Variants in GPM6A observed in about 807,000 individuals in gnomAD.
The protein encoded by GPM6A is glycoprotein M6A.
A neutral mutation model predicts 32.1 loss-of-function variants in GPM6A; 7 were observed. The ratio of observed to expected loss-of-function variants is 0.22; its 90% CI spans 0.12 to 0.41. The LOEUF is 0.41. Among genes scored for constraint, GPM6A ranks in the 10% least tolerant of loss-of-function variants. The pLI, the probability that GPM6A is intolerant of heterozygous loss-of-function variation, is 1.00. For synonymous variants in GPM6A, 130 were observed against 123.4 expected, an observed-to-expected ratio of 1.05 and a Z score of -0.35; for missense variants, 235 against 347.2, an observed-to-expected ratio of 0.68 and a Z score of 2.57.
intron 1 of GPM6A, among the ~76,000 whole-genome samples, chr4:175,776,768 G>A (rs1217637167): frequency 3.3e-5 from 5 of 152,182 alleles, no homozygotes; most frequent in African/African-American, 7.2e-5. Flanking sequence ...GAAACACCCT[G>A]TTACACTTTA....
At chr4:175,945,059 T>G (rs1200027229) in intron 1 of GPM6A, among the ~76,000 whole-genome samples, 1 of 152,144 alleles carries the variant, frequency 6.6e-6, no homozygotes, top group Non-Finnish European at 1.5e-5. Context: ...GTAAGCCTTT[T>G]GAGAAAAGGG....
At chr4:175,945,645 C>CTTATAAGTAATATAAGTTATAATATATG (rs1739570722) in intron 1 of GPM6A, among the ~76,000 whole-genome samples, 4 of 149,468 alleles carry the variant, frequency 2.7e-5, no homozygotes, top group South Asian at 2.1e-4. Flanking sequence ...AGTAATATAA[C>CTTATAAGTAATATAAGTTATAATATATG]TTATAAGTAA....
intron 3 of GPM6A, among the ~76,000 whole-genome samples, chr4:175,669,509 A>T (rs1742934905): frequency 6.6e-6 from 1 of 152,200 alleles, no homozygotes; most frequent in Non-Finnish European, 1.5e-5. Flanking sequence ...TTTGAGCATC[A>T]CGTTGACGCT....
intron 1 of GPM6A, among the ~76,000 whole-genome samples, chr4:175,749,986 A>T (rs1732258420): frequency 6.6e-6 from 1 of 152,112 alleles, no homozygotes; most frequent in South Asian, 2.1e-4. Context: ...TAGCCATTTC[A>T]TTTTGTACAT....
intron 1 of GPM6A, among the ~76,000 whole-genome samples, chr4:175,995,891 GT>G (rs1741293669): frequency 6.8e-6 from 1 of 146,076 alleles, no homozygotes; most frequent in Non-Finnish European, 1.5e-5. Context: ...CATTATTCTG[GT>G]TATGTCGTTC....
chr4:175,708,763 A>G (rs1157480886), intron 1 of GPM6A, among the ~76,000 whole-genome samples: 2 of 152,212 alleles, frequency 1.3e-5, no homozygotes, highest in Non-Finnish European at 2.9e-5. Flanking sequence ...AAAATATAAT[A>G]GGTGAAGGTA....
At chr4:175,948,305 G>A (rs1392914027) in intron 1 of GPM6A, among the ~76,000 whole-genome samples, 1 of 152,190 alleles carries the variant, frequency 6.6e-6, no homozygotes, top group Non-Finnish European at 1.5e-5. Context: ...CTCATAAATA[G>A]AATTAGTTTC....
intron 1 of GPM6A, among the ~76,000 whole-genome samples, chr4:175,832,851 A>T (rs80022551): frequency 0.013 from 2,001 of 152,320 alleles, 49 homozygotes; most frequent in African/African-American, 0.046. Context: ...CACAAAGTGG[A>T]CATGTCAGGA....
At position 175,774,954 on chromosome 4, in the gene GPM6A, C is replaced by G. The variant is rs1053159830; in HGVS notation, c.37+37237G>C. Among the ~76,000 whole-genome samples the G allele has an allele frequency of 9.2e-5, 14 of 152,090 alleles. 1 individual carries two copies. The highest frequency in any genetic ancestry group is 4.1e-4 in the South Asian group (2 of 4,828). On this transcript the variant is annotated intron_variant, in intron 1 of 6. Transcript: ENST00000393658. ...AAAATAATTTTTGTTTCTAAATAAA[C>G]CAGACGATCCCAAAATTTTGACCAA...
chr4:175,733,052 G>A (rs1275719513), intron 1 of GPM6A, among the ~76,000 whole-genome samples: 2 of 152,110 alleles, frequency 1.3e-5, no homozygotes, highest in East Asian at 3.9e-4. Context: ...GAGTGAAATG[G>A]ACATGTTACT....
At chr4:175,924,588 C>T (rs965750826) in intron 1 of GPM6A, among the ~76,000 whole-genome samples, 4 of 152,022 alleles carry the variant, frequency 2.6e-5, no homozygotes, top group Non-Finnish European at 5.9e-5. Context: ...GCCTGTAATC[C>T]CAGTACTTTG....
intron 1 of GPM6A, among the ~76,000 whole-genome samples, chr4:175,788,545 C>T (rs1733890085): frequency 6.6e-6 from 1 of 152,054 alleles, no homozygotes; most frequent in Admixed American, 6.6e-5. Flanking sequence ...GATGCAAATA[C>T]AACACAGACA....
At chr4:175,995,585 C>A (rs776585491) in intron 1 of GPM6A, among the ~76,000 whole-genome samples, 3 of 152,004 alleles carry the variant, frequency 2.0e-5, no homozygotes, top group Non-Finnish European at 2.9e-5. Context: ...CATCATCAGT[C>A]GGATTACATG....
intron 1 of GPM6A, among the ~76,000 whole-genome samples, chr4:175,810,508 G>A (rs1441805519): frequency 6.6e-6 from 1 of 151,976 alleles, no homozygotes. Flanking sequence ...CCCCATAAAA[G>A]AAAGCTTTTC....
intron 1 of GPM6A, among the ~76,000 whole-genome samples, chr4:175,936,160 G>C (rs1293543902): frequency 1.3e-5 from 2 of 151,024 alleles, no homozygotes; most frequent in African/African-American, 4.9e-5. Context: ...CAAAAAATTA[G>C]CTGGGCTTGG....
chr4:175,652,136 G>A (rs1560853207), intron 3 of GPM6A, 149 bp from the exon 4 acceptor site: 2 of 547,924 alleles, frequency 3.7e-6, no homozygotes, highest in East Asian at 6.1e-5. Context: ...AGCACAGAAG[G>A]TTGAGAAATA....
chr4:175,918,515 A>G (rs72704526), intron 1 of GPM6A, among the ~76,000 whole-genome samples: 3,983 of 152,234 alleles, frequency 0.026, 85 homozygotes, highest in African/African-American at 0.056. Context: ...CAACAAAAAA[A>G]AAAAGCTACA....
At chr4:175,730,526 A>C (rs1166322910) in intron 1 of GPM6A, among the ~76,000 whole-genome samples, 2 of 150,788 alleles carry the variant, frequency 1.3e-5, no homozygotes, top group African/African-American at 2.4e-5. Context: ...GCTGGAGTGC[A>C]GTGGCGCGAT....
chr4:175,821,517 T>C (rs1373146067), intron 1 of GPM6A, among the ~76,000 whole-genome samples: 1 of 152,106 alleles, frequency 6.6e-6, no homozygotes, highest in Non-Finnish European at 1.5e-5. Flanking sequence ...TTTATTGAAC[T>C]TAAATTAACT....
Sources: gnomAD v4.1 joint callset for allele counts (sites outside exome capture counted in the v4.1 genomes callset) on GRCh38, gnomAD v4.1.1 for gene constraint, MANE v1.5 for transcripts, NCBI Gene and HGNC (gene_info 2026-07-23, HGNC 2026-07-21) for gene names.